ZNF184: variants seen among roughly 807,000 people sequenced by gnomAD.
ZNF184 encodes zinc finger protein 184, also known as zinc finger protein 184 (Kruppel-like).
Under a neutral mutation model 54.4 loss-of-function variants are expected in ZNF184, and 16 were observed. The observed-to-expected ratio is 0.29, with a 90% CI of 0.20 to 0.45. The LOEUF (loss-of-function observed/expected upper bound fraction) is 0.45, where lower values mean the gene tolerates loss of function less well. Among genes scored for constraint, ZNF184 ranks in the 20% least tolerant of loss-of-function variants. The probability of loss-of-function intolerance (pLI) is 1.00; values close to 1 mark genes in which losing one functional copy is unlikely to be tolerated. For synonymous variants in ZNF184, 254 were observed against 295.3 expected (o/e 0.86, Z 1.43); for missense variants, 681 against 888.2 (o/e 0.77, Z 2.97).
At chr6:27,423,624 G>A in the ZNF184 span, among the ~76,000 whole-genome samples, 1 of 129,000 alleles carries the variant, frequency 7.8e-6, no homozygotes. Flanking sequence ...AAAGCATAAA[G>A]GGATGAAAAG....
the ZNF184 span, among the ~76,000 whole-genome samples, chr6:27,409,971 A>G: frequency 6.6e-6 from 1 of 152,178 alleles, no homozygotes; most frequent in Admixed American, 6.5e-5. Context: ...ATGTTTAGAT[A>G]TATTATGATA....
chr6:27,469,279 A>T (rs983916307), intron 2 of ZNF184, among the ~76,000 whole-genome samples: 1 of 152,228 alleles, frequency 6.6e-6, no homozygotes, highest in African/African-American at 2.4e-5. Flanking sequence ...AGACAAGAAG[A>T]ATTTTCTCCT....
At chr6:27,410,294 G>A in the ZNF184 span, among the ~76,000 whole-genome samples, 5 of 152,174 alleles carry the variant, frequency 3.3e-5, no homozygotes, top group Non-Finnish European at 7.4e-5. Flanking sequence ...CTCCAGTTCT[G>A]CCGACTCCAG....
the ZNF184 span, among the ~76,000 whole-genome samples, chr6:27,433,999 T>TCCC: frequency 8.4e-5 from 3 of 35,550 alleles, no homozygotes; most frequent in Admixed American, 3.7e-4. Flanking sequence ...CCTTCCTCTC[T>TCCC]TTTCTTTCTT....
At chr6:27,414,431 A>G in the ZNF184 span, among the ~76,000 whole-genome samples, 1 of 152,132 alleles carries the variant, frequency 6.6e-6, no homozygotes, top group Non-Finnish European at 1.5e-5. Flanking sequence ...GGCCCCACAT[A>G]GTGTGGTCCT....
In ZNF184 at chr6:27,451,422, G is replaced by C. The variant is rs986856928; in HGVS notation, c.2137C>G (p.Leu713Val). 6.2e-7 allele frequency: 1 copy of C among 1,614,120 alleles called. No individual in the cohort carries two copies. The highest frequency in any genetic ancestry group is 2.2e-5 in the East Asian group (1 of 44,884). The part of the protein sequence containing the change: ...CRKTFSQSTY[L>V]IQHQRIHSGE... ...GAATGAATTCTCTGGTGCTGAATGA[G>C]ATATGTGCTCTGGCTAAAAGTCTTT... The change falls in exon 6 of 6, where the codon CTC (leucine) becomes GTC (valine). Residue 713 changes from leucine (L) to valine (V), a missense_variant. Physicochemically the swap from Leu to Val is conservative, Grantham distance 32. Coordinates refer to ENST00000683788, the MANE Select transcript of ZNF184 (RefSeq NM_001318891.2).
chr6:27,451,650 T>C lies in ZNF184; in HGVS notation c.1909A>G (p.Thr637Ala), dbSNP rs1445703697. Residue 637 changes from threonine (T) to alanine (A), a missense_variant, in exon 6 of 6, where the codon ACA (threonine) becomes GCA (alanine). Physicochemically the swap from Thr to Ala is moderately conservative, Grantham distance 58. Coordinates refer to ENST00000683788, the MANE Select transcript of ZNF184 (RefSeq NM_001318891.2). ...SSLAQHQKTH[T>A]EEKPYQCNKC... ...TTACACTGGTAGGGTTTTTCTTCTGTGTGAGTTTTTTGATGTTGAGCAAGA... is the reference window on the plus strand; with the variant it reads ...TTACACTGGTAGGGTTTTTCTTCTGCGTGAGTTTTTTGATGTTGAGCAAGA... 1.9e-6 allele frequency: 3 copies of C among 1,614,126 alleles called. No individual in the cohort carries two copies. Among genetic ancestry groups the C allele is most frequent in the Non-Finnish European group, 2.5e-6 (3 of 1,179,994 alleles).
the ZNF184 span, among the ~76,000 whole-genome samples, chr6:27,412,459 G>A: frequency 1.3e-5 from 2 of 152,198 alleles, no homozygotes; most frequent in Non-Finnish European, 2.9e-5. Context: ...GCTACATGCA[G>A]TTCCCAAGGT....
the ZNF184 span, among the ~76,000 whole-genome samples, chr6:27,412,607 C>G: frequency 6.6e-6 from 1 of 152,146 alleles, no homozygotes; most frequent in South Asian, 2.1e-4. Context: ...AGAGATTTAT[C>G]CTAAGCCAAA....
the ZNF184 span, among the ~76,000 whole-genome samples, chr6:27,417,414 T>G: frequency 6.6e-6 from 1 of 151,956 alleles, no homozygotes; most frequent in African/African-American, 2.4e-5. Context: ...CCTTTCAGGG[T>G]TCCAGGGATG....
At chr6:27,424,357 A>C in the ZNF184 span, among the ~76,000 whole-genome samples, 1 of 152,210 alleles carries the variant, frequency 6.6e-6, no homozygotes, top group Non-Finnish European at 1.5e-5. Context: ...CACAGGGTAC[A>C]AGGAAAGCCG....
chr6:27,427,115 G>GAAAA, the ZNF184 span, among the ~76,000 whole-genome samples: 1 of 18,960 alleles, frequency 5.3e-5, no homozygotes, highest in African/African-American at 1.6e-4. Flanking sequence ...AACACTCTAT[G>GAAAA]TAAAAAAAAA....
At chr6:27,424,312 A>G in the ZNF184 span, among the ~76,000 whole-genome samples, 1 of 152,348 alleles carries the variant, frequency 6.6e-6, no homozygotes, top group East Asian at 1.9e-4. Context: ...AAGCAGCAGC[A>G]AGATTTATTG....
the ZNF184 span, chr6:27,408,101 T>A: frequency 2.7e-6 from 2 of 727,726 alleles, no homozygotes; most frequent in African/African-American, 3.5e-5. Context: ...TGCTGCAGCA[T>A]TTTGGTAAAA....
chr6:27,445,721 C>CAA, the ZNF184 span, among the ~76,000 whole-genome samples: 18 of 129,252 alleles, frequency 1.4e-4, no homozygotes, highest in South Asian at 5.2e-4. Context: ...TCTGTTATAG[C>CAA]AAAAAAAAAA....
chr6:27,467,546 G>T, intron 3 of ZNF184, among the ~76,000 whole-genome samples: 1 of 152,082 alleles, frequency 6.6e-6, no homozygotes, highest in East Asian at 1.9e-4. Context: ...AGTGAGCGGA[G>T]ATCACCACCA....
At chr6:27,462,183 T>A (rs960799144) in intron 3 of ZNF184, among the ~76,000 whole-genome samples, 7 of 151,944 alleles carry the variant, frequency 4.6e-5, no homozygotes, top group African/African-American at 1.7e-4. Flanking sequence ...CTTAACTGCA[T>A]CCCAGAATAA....
At chr6:27,409,498 C>CAAAAAAAAAAA in the ZNF184 span, among the ~76,000 whole-genome samples, 20 of 39,704 alleles carry the variant, frequency 5.0e-4, no homozygotes, top group Non-Finnish European at 6.5e-4. Context: ...GACTCCGTCT[C>CAAAAAAAAAAA]AAAAAAAAAA....
chr6:27,446,263 T>G (rs1262396689), downstream of ZNF184, among the ~76,000 whole-genome samples: 3 of 152,094 alleles, frequency 2.0e-5, no homozygotes, highest in African/African-American at 7.2e-5. Context: ...GGTAAAATGA[T>G]TTAGGGGAAA....
Sources: gnomAD v4.1 joint callset for allele counts (sites outside exome capture counted in the v4.1 genomes callset) on GRCh38, gnomAD v4.1.1 for gene constraint, MANE v1.5 for transcripts, NCBI Gene and HGNC (gene_info 2026-07-23, HGNC 2026-07-21) for gene names.